FRMD3: variants seen among roughly 807,000 people sequenced by gnomAD.
FRMD3 encodes the protein FERM domain containing 3.
Under a neutral mutation model 70.2 loss-of-function variants are expected in FRMD3, and 33 were observed. The observed-to-expected ratio is 0.47, with a 90% confidence interval of 0.36 to 0.63. FRMD3 has a LOEUF of 0.63. FRMD3 is among the 20% of genes least tolerant of loss of function. FRMD3 has a pLI of 0.00. For missense variants in FRMD3, 632 were observed against 711.4 expected, an observed-to-expected ratio of 0.89 and a Z score of 1.27; for synonymous variants, 279 against 255.9, an observed-to-expected ratio of 1.09 and a Z score of -0.86.
chr9:83,434,890 G>C (rs566695569), intron 1 of FRMD3, among the ~76,000 whole-genome samples: 1 of 130,302 alleles, frequency 7.7e-6, no homozygotes, highest in Non-Finnish European at 1.6e-5. Context: ...GCAGTGGCAC[G>C]ATCTCGGCTC....
chr9:83,479,720 G>GAAAGAAAGA (rs1828509110), intron 1 of FRMD3, among the ~76,000 whole-genome samples: 5 of 54,964 alleles, frequency 9.1e-5, no homozygotes, highest in African/African-American at 4.1e-4. Flanking sequence ...AAGAAAGAAA[G>GAAAGAAAGA]AAAAGAAAGG....
intron 3 of FRMD3, among the ~76,000 whole-genome samples, chr9:83,357,258 T>TAAC (rs1564032712): frequency 1.8e-4 from 9 of 48,820 alleles, no homozygotes; most frequent in African/African-American, 1.2e-3. Flanking sequence ...TATATATATA[T>TAAC]ATATATATAT....
chr9:83,516,158 A>T (rs944068730), intron 1 of FRMD3, among the ~76,000 whole-genome samples: 6 of 152,220 alleles, frequency 3.9e-5, no homozygotes, highest in African/African-American at 1.4e-4. Context: ...TGCCCCAATT[A>T]AAAGACACAG....
At chr9:83,511,350 G>T (rs908255677) in intron 1 of FRMD3, among the ~76,000 whole-genome samples, 2 of 152,192 alleles carry the variant, frequency 1.3e-5, no homozygotes, top group Admixed American at 6.5e-5. Context: ...CCCAGAGAAG[G>T]GGGGAGGCTG....
chr9:83,416,759 C>CTG (rs1564067030), intron 1 of FRMD3, among the ~76,000 whole-genome samples: 1 of 111,544 alleles, frequency 9.0e-6, no homozygotes, highest in Non-Finnish European at 1.8e-5. Context: ...CTCTCTCTCT[C>CTG]TCTCTCTCTC....
At chr9:83,327,017 G>C (rs1286578207) in intron 6 of FRMD3, among the ~76,000 whole-genome samples, 1 of 152,174 alleles carries the variant, frequency 6.6e-6, no homozygotes, top group Admixed American at 6.5e-5. Flanking sequence ...AGGAATAAAT[G>C]TCAATTATTA....
At chr9:83,256,579 C>T (rs1019772626) in intron 13 of FRMD3, among the ~76,000 whole-genome samples, 3 of 151,970 alleles carry the variant, frequency 2.0e-5, no homozygotes, top group Non-Finnish European at 4.4e-5. Context: ...AAACAGATAA[C>T]CTAAAAAATG....
chr9:83,424,919 C>T (rs182461182), intron 1 of FRMD3, among the ~76,000 whole-genome samples: 1 of 152,342 alleles, frequency 6.6e-6, no homozygotes, highest in Admixed American at 6.5e-5. Flanking sequence ...CTTTGCAACT[C>T]ATACTGGTTT....
At chr9:83,448,270 C>T (rs1827539556) in intron 1 of FRMD3, among the ~76,000 whole-genome samples, 1 of 152,166 alleles carries the variant, frequency 6.6e-6, no homozygotes, top group Non-Finnish European at 1.5e-5. Context: ...CCCACCTCTG[C>T]CACAGTCCCC....
intron 13 of FRMD3, among the ~76,000 whole-genome samples, chr9:83,248,910 C>T (rs1351141908): frequency 6.6e-6 from 1 of 152,156 alleles, no homozygotes; most frequent in Admixed American, 6.5e-5. Flanking sequence ...CAGAATCTGT[C>T]ATTCAATGAC....
In FRMD3 at chr9:83,246,938, T is replaced by C. The variant is rs149098015; in HGVS notation, c.*980A>G. The stretch of plus-strand genomic sequence containing the variant: ...CCTCACCAGAACTCATTTTTGCCAC[T>C]TTCCATTTCTCCAGTTCCTATCTGC... On this transcript the variant is annotated 3_prime_UTR_variant, in exon 14 of 14. Transcript: ENST00000304195. 427 of 985,462 alleles carry C rather than the reference T, an allele frequency of 4.3e-4. 4 individuals carry two copies. The Middle Eastern group carries it at 7.3e-3, about 17-fold the overall frequency. The allele number at this position is 985,462 out of a possible 1,614,324, so 61.0% of individuals were successfully genotyped here. A position where few individuals can be genotyped will look rare whatever the true frequency, so the allele number is the denominator to read the frequency against.
chr9:83,357,298 A>C (rs12552393), intron 3 of FRMD3, among the ~76,000 whole-genome samples: 1 of 89,166 alleles, frequency 1.1e-5, no homozygotes, highest in African/African-American at 3.9e-5. Context: ...TATATATATA[A>C]AACATTTTCT....
At chr9:83,479,777 GGGAGGGAGGGAAGGAAGGAAGGAAGGAA>G (rs1175706492) in intron 1 of FRMD3, among the ~76,000 whole-genome samples, 3 of 70,406 alleles carry the variant, frequency 4.3e-5, no homozygotes, top group African/African-American at 2.0e-4. Context: ...GAGGGAGGGA[GGGAGGGAGGGAAGGAAGGAAGGAAGGAA>G]GGAAGGAAGG....
At chr9:83,582,847 G>A in the FRMD3 span, among the ~76,000 whole-genome samples, 1 of 152,146 alleles carries the variant, frequency 6.6e-6, no homozygotes, top group South Asian at 2.1e-4. Flanking sequence ...TTGAGATCAG[G>A]TACAATTAAT....
chr9:83,388,144 C>T (rs1825564466), intron 2 of FRMD3, among the ~76,000 whole-genome samples: 2 of 152,198 alleles, frequency 1.3e-5, no homozygotes, highest in African/African-American at 4.8e-5. Context: ...TTCATATAAA[C>T]TTGGGTCCCT....
intron 12 of FRMD3, 21 bp downstream of exon 12, chr9:83,298,727 C>G: frequency 1.2e-6 from 2 of 1,608,526 alleles, no homozygotes; most frequent in Non-Finnish European, 1.7e-6. Flanking sequence ...CACCTGGAAC[C>G]CACAGTGATC....
the FRMD3 span, among the ~76,000 whole-genome samples, chr9:83,560,277 AAGTGAAAGTGACAGTGTGCTGTCAC>A: frequency 3.3e-4 from 50 of 152,294 alleles, 3 homozygotes; most frequent in African/African-American, 1.2e-3. Flanking sequence ...ACCGGAATTT[AAGTGAAAGTGACAGTGTGCTGTCAC>A]TTTCTGGGCT....
intron 3 of FRMD3, among the ~76,000 whole-genome samples, chr9:83,370,199 G>A (rs1436951784): frequency 2.6e-5 from 4 of 152,194 alleles, no homozygotes; most frequent in African/African-American, 4.8e-5. Flanking sequence ...TCTGTGACCA[G>A]ACTCTTTCGA....
At chr9:83,548,541 A>G in the FRMD3 span, among the ~76,000 whole-genome samples, 3 of 152,220 alleles carry the variant, frequency 2.0e-5, no homozygotes, top group Admixed American at 6.5e-5. Flanking sequence ...TGCAAACAGC[A>G]GTAAAAAGAT....
Sources: gnomAD v4.1 joint callset for allele counts (sites outside exome capture counted in the v4.1 genomes callset) on GRCh38, gnomAD v4.1.1 for gene constraint, MANE v1.5 for transcripts, NCBI Gene and HGNC (gene_info 2026-07-23, HGNC 2026-07-21) for gene names.